Variants in FLRT1 observed in about 807,000 individuals in gnomAD.
FLRT1 encodes the protein fibronectin leucine rich transmembrane protein 1.
Under a neutral mutation model 30.9 loss-of-function variants are expected in FLRT1, and 14 were observed. The ratio of observed to expected loss-of-function variants is 0.45; its 90% CI spans 0.30 to 0.71. The LOEUF is 0.71. FLRT1 is among the 30% of genes least tolerant of loss of function. FLRT1 has a pLI of 0.08. For synonymous variants in FLRT1, 368 were observed against 430.4 expected (o/e 0.85, Z 1.80); for missense variants, 737 against 949.2 (o/e 0.78, Z 2.94).
intron 1 of FLRT1, among the ~76,000 whole-genome samples, chr11:64,081,067 G>A (rs1356865399): frequency 1.3e-5 from 2 of 152,124 alleles, no homozygotes; most frequent in African/African-American, 4.8e-5. Context: ...TGTCCCCTAG[G>A]CTGGAGTGCA....
chr11:64,059,824 CGA>C (rs1943862747), intron 1 of FLRT1, among the ~76,000 whole-genome samples: 1 of 152,204 alleles, frequency 6.6e-6, no homozygotes, highest in Non-Finnish European at 1.5e-5. Context: ...GTCCTGACCC[CGA>C]GAGGCCCGCC....
chr11:64,075,605 G>A (rs1011031123), intron 1 of FLRT1, among the ~76,000 whole-genome samples: 1 of 152,230 alleles, frequency 6.6e-6, no homozygotes, highest in Non-Finnish European at 1.5e-5. Context: ...ATTCCATCCT[G>A]ATATGGAGTG....
At chr11:64,043,167 C>CA (rs140502522) in intron 1 of FLRT1, among the ~76,000 whole-genome samples, 1,534 of 152,322 alleles carry the variant, frequency 0.01, 29 homozygotes, top group African/African-American at 0.035. Flanking sequence ...CCAGGGTTAG[C>CA]ATGAAGACTC....
At position 64,067,845 on chromosome 11, in the gene FLRT1, G is replaced by T. The variant is rs1944033951; in HGVS notation, c.-1038+31686G>T. ...CCTGAAATGGGTGATGAGGGGGTTG[G>T]GGGAGGAGCTGAGCGGCCCACTTCC... is the stretch of plus-strand genomic sequence containing the variant. On this transcript the variant is annotated intron_variant, in intron 1 of 2. Transcript: ENST00000682287. The surrounding 1 kb of genome is among the most constrained non-coding windows in gnomAD (Gnocchi z 4.6). Among the ~76,000 whole-genome samples the T allele has an allele frequency of 6.6e-6, 1 of 152,192 alleles. No individual in the cohort carries two copies. The highest frequency in any genetic ancestry group is 1.5e-5 in the Non-Finnish European group (1 of 68,030).
rs935613835 is a variant in FLRT1 at position 64,064,031 on chromosome 11, G to A, written c.-1038+27872G>A. Among the ~76,000 whole-genome samples, 1 of 152,142 alleles carries A rather than the reference G, an allele frequency of 6.6e-6. No individual in the cohort carries two copies. On this transcript the variant is annotated intron_variant, in intron 1 of 2. Transcript: ENST00000682287. The surrounding 1 kb of genome is among the most constrained non-coding windows in gnomAD (Gnocchi z 4.5). Reference sequence around the variant, plus strand: ...CGCAGGGAGAGAGCGCATCTTCACTGGATCTTTGTAGGTTAGCCAGCTTTG... The same window carrying A: ...CGCAGGGAGAGAGCGCATCTTCACTAGATCTTTGTAGGTTAGCCAGCTTTG...
rs1394437229 is a variant in FLRT1 at position 64,088,988 on chromosome 11, C to T, written c.-1037-14206C>T. ...GGGAGGAGGCAGAGGTTACCAGACT[C>T]AGAGAGAGCCACCGAAGCCACTGGG... On this transcript the variant is annotated intron_variant, in intron 1 of 2. Coordinates refer to ENST00000682287, the MANE Select transcript of FLRT1 (RefSeq NM_013280.5). Among the ~76,000 whole-genome samples the T allele has an allele frequency of 2.0e-5, 3 of 152,252 alleles. No individual in the cohort carries two copies. The East Asian group carries it at 5.8e-4, about 29-fold the overall frequency.
intron 1 of FLRT1, among the ~76,000 whole-genome samples, chr11:64,080,567 A>C (rs1184973283): frequency 6.6e-6 from 1 of 152,238 alleles, no homozygotes; most frequent in Non-Finnish European, 1.5e-5. Context: ...AGGGTTGAAC[A>C]CAAGACACCC....
chr11:64,068,754 C>G (rs1163287776), intron 1 of FLRT1, among the ~76,000 whole-genome samples: 2 of 152,222 alleles, frequency 1.3e-5, no homozygotes, highest in Non-Finnish European at 2.9e-5. Flanking sequence ...GCCTGGGAGC[C>G]CAGATAATGG....
At chr11:64,057,485 G>A (rs545972097) in intron 1 of FLRT1, among the ~76,000 whole-genome samples, 1 of 152,342 alleles carries the variant, frequency 6.6e-6, no homozygotes, top group African/African-American at 2.4e-5. Context: ...GCCCCAGCCA[G>A]CCAGGAAGGC....
chr11:64,087,769 T>C (rs1416278121), intron 1 of FLRT1, among the ~76,000 whole-genome samples: 2 of 152,358 alleles, frequency 1.3e-5, no homozygotes, highest in East Asian at 3.9e-4. Flanking sequence ...GCTGTGCACG[T>C]CTGAATGACC....
chr11:64,088,415 A>G (rs1161199954), intron 1 of FLRT1, among the ~76,000 whole-genome samples: 3 of 152,254 alleles, frequency 2.0e-5, no homozygotes, highest in African/African-American at 7.2e-5. Context: ...AGGCCGGCAC[A>G]AGCATCCTCC....
chr11:64,078,243 G>A (rs1253730817), intron 1 of FLRT1, among the ~76,000 whole-genome samples: 1 of 152,184 alleles, frequency 6.6e-6, no homozygotes, highest in Admixed American at 6.5e-5. Context: ...CCAGAAGGGA[G>A]GTGGGCAGGT....
At chr11:64,088,343 A>T (rs746925096) in intron 1 of FLRT1, among the ~76,000 whole-genome samples, 1 of 151,986 alleles carries the variant, frequency 6.6e-6, no homozygotes, top group Non-Finnish European at 1.5e-5. Context: ...GGCAGCATAG[A>T]CCAGGGGGCA....
At chr11:64,105,426 C>T (rs894234017) in intron 2 of FLRT1, among the ~76,000 whole-genome samples, 4 of 152,238 alleles carry the variant, frequency 2.6e-5, no homozygotes, top group African/African-American at 9.6e-5. Context: ...GGGTTGGGGC[C>T]TGGCCCTCTG....
At chr11:64,048,617 A>G (rs541149855) in intron 1 of FLRT1, among the ~76,000 whole-genome samples, 1 of 152,244 alleles carries the variant, frequency 6.6e-6, no homozygotes, top group Non-Finnish European at 1.5e-5. Flanking sequence ...CGGAATTCTT[A>G]CTGTTCCTGC....
chr11:64,093,792 T>TG (rs1944530943), intron 1 of FLRT1, among the ~76,000 whole-genome samples: 1 of 152,218 alleles, frequency 6.6e-6, no homozygotes, highest in Non-Finnish European at 1.5e-5. Context: ...TAGTCTGGCC[T>TG]GGCCAGGGTG....
At chr11:64,097,073 C>T (rs572042316) in intron 1 of FLRT1, among the ~76,000 whole-genome samples, 18 of 152,374 alleles carry the variant, frequency 1.2e-4, no homozygotes, top group African/African-American at 3.6e-4. Flanking sequence ...CCCTGCTGCC[C>T]GGGGATGGCG....
At chr11:64,042,144 C>A (rs1296584330) in intron 1 of FLRT1, among the ~76,000 whole-genome samples, 2 of 152,182 alleles carry the variant, frequency 1.3e-5, no homozygotes, top group Non-Finnish European at 2.9e-5. Flanking sequence ...GCACCACGCT[C>A]ACACCTCTGG....
Position 64,117,506 on chromosome 11 carries a change from G to C in FLRT1, c.1239G>C (p.Lys413Asn). Residue 413 changes from lysine to asparagine, a missense_variant, in exon 3 of 3, where the codon AAG becomes AAC. Coordinates refer to ENST00000682287, the MANE Select transcript of FLRT1 (RefSeq NM_013280.5). ...CCCAGGGTTCCCTGTTTACCCTCAA[G>C]GCCAAAAGGCCAGGGCTGCGCCTCC... The part of the protein sequence containing the change: ...TTPQGSLFTL[K>N]AKRPGLRLPD... 1 of 1,609,062 alleles carries C rather than the reference G, an allele frequency of 6.2e-7. No homozygotes were observed. Among genetic ancestry groups the C allele is most frequent in the African/African-American group, 1.3e-5 (1 of 74,962 alleles).
Sources: allele counts gnomAD v4.1 joint callset (sites outside exome capture counted in the v4.1 genomes callset), GRCh38; gene constraint gnomAD v4.1.1; non-coding constraint Gnocchi (gnomAD v3.1); transcripts MANE v1.5; gene names NCBI Gene and HGNC (gene_info 2026-07-23, HGNC 2026-07-21).